MYO16: variants seen among roughly 807,000 people sequenced by gnomAD.
MYO16 encodes the protein myosin XVI, also known as unconventional myosin-XVI.
In MYO16, 94 loss-of-function variants were observed where a neutral mutation model predicts 205.3. The ratio of observed to expected loss-of-function variants is 0.46; its 90% CI spans 0.39 to 0.54. The LOEUF (loss-of-function observed/expected upper bound fraction) is 0.54, where lower values mean the gene tolerates loss of function less well. Ranked by LOEUF, MYO16 falls within the 20% of genes least tolerant of loss-of-function variation. MYO16 has a pLI of 0.00. For synonymous variants in MYO16, 988 were observed against 954.0 expected (o/e 1.04, Z -0.66); for missense variants, 2,315 against 2,387.5 (o/e 0.97, Z 0.63).
chr13:108,600,146 T>G (rs1391560007), intron 1 of MYO16, among the ~76,000 whole-genome samples: 1 of 152,182 alleles, frequency 6.6e-6, no homozygotes. Context: ...CTGATTCTGA[T>G]GCAAAACTTT....
intron 20 of MYO16, among the ~76,000 whole-genome samples, chr13:108,976,302 T>C (rs1000698734): frequency 6.6e-5 from 10 of 152,184 alleles, no homozygotes; most frequent in Non-Finnish European, 1.5e-4. Flanking sequence ...GTTTTATCAA[T>C]TGCTGTTAAA....
intron 12 of MYO16, among the ~76,000 whole-genome samples, chr13:108,872,229 G>T (rs530904807): frequency 6.6e-6 from 1 of 152,304 alleles, no homozygotes; most frequent in Non-Finnish European, 1.5e-5. Flanking sequence ...ACAAAAGTCA[G>T]CTTTGAATAA....
In MYO16 at chr13:108,863,508, A is replaced by G. The variant is rs187089782; in HGVS notation, c.1360-2669A>G. On this transcript the variant is annotated intron_variant, in intron 11 of 34. Transcript: ENST00000457511. ...TATTAGTTACAATTATTGATCTTCA[A>G]TTAGAAACCAACCTTGCATTTCTAG... Among the ~76,000 whole-genome samples the G allele has an allele frequency of 5.3e-5, 8 of 152,258 alleles. No homozygotes were observed. In the East Asian group the frequency reaches 9.6e-4, roughly 18 times the overall value.
At chr13:109,171,886 G>A (rs533976343) in intron 33 of MYO16, among the ~76,000 whole-genome samples, 1 of 152,244 alleles carries the variant, frequency 6.6e-6, no homozygotes, top group South Asian at 2.1e-4. Flanking sequence ...TTCTGTATAC[G>A]TTGTCTATTT....
In MYO16 at chr13:109,176,577, T is replaced by TAAAAAAAAAAA. The variant is rs36054088; in HGVS notation, c.5324-2951_5324-2941dup. On this transcript the variant is annotated intron_variant, in intron 33 of 34. Transcript: ENST00000457511. Reference sequence around the variant, plus strand: ...GCAGCTAAATAAAATATTGTGCTGGTAAAAAAAAAAAAAAAAAAAAAAAAG... The same window carrying TAAAAAAAAAAA: ...GCAGCTAAATAAAATATTGTGCTGGTAAAAAAAAAAAAAAAAAAAAAAAAAAAAAAAAAAAG... Among the ~76,000 whole-genome samples the TAAAAAAAAAAA allele has an allele frequency of 4.8e-3, 216 of 44,930 alleles. 35 individuals carry two copies. The highest frequency in any genetic ancestry group is 0.014 in the African/African-American group (155 of 10,982). The allele number at this position is 44,930 out of a possible 152,430, so 29.5% of individuals were successfully genotyped here.
At position 109,009,055 on chromosome 13, in the gene MYO16, C is replaced by T; in HGVS notation, c.2595+6C>T. ...TTTTGGACTTTTTTTTCCAGGTATTCATATAATATAATTAGATACTTAACA... is the reference window on the plus strand; with the variant it reads ...TTTTGGACTTTTTTTTCCAGGTATTTATATAATATAATTAGATACTTAACA... On this transcript the variant is annotated splice_donor_region_variant and intron_variant, in intron 22 of 34. Coordinates refer to ENST00000457511, the MANE Select transcript of MYO16 (RefSeq NM_001198950.3). 1 of 1,575,202 alleles carries T rather than the reference C, an allele frequency of 6.3e-7. No homozygotes were observed. The highest frequency in any genetic ancestry group is 8.6e-7 in the Non-Finnish European group (1 of 1,163,908).
At chr13:108,876,195 G>A (rs898361910) in intron 12 of MYO16, among the ~76,000 whole-genome samples, 1 of 151,944 alleles carries the variant, frequency 6.6e-6, no homozygotes, top group African/African-American at 2.4e-5. Context: ...TGCAACTTCT[G>A]GAATAATTAA....
At chr13:109,061,752 G>A (rs988943662) in intron 27 of MYO16, among the ~76,000 whole-genome samples, 7 of 152,194 alleles carry the variant, frequency 4.6e-5, no homozygotes, top group African/African-American at 1.4e-4. Context: ...AAGCAGAGAA[G>A]TGAAGTGTGA....
intron 15 of MYO16, among the ~76,000 whole-genome samples, chr13:108,907,931 G>GA (rs1192304829): frequency 6.6e-6 from 1 of 151,910 alleles, no homozygotes; most frequent in Non-Finnish European, 1.5e-5. Context: ...CTAAAGGCTA[G>GA]AAAAAATGGA....
At chr13:108,592,894 T>C (rs1042710962), upstream of MYO16, among the ~76,000 whole-genome samples, 2 of 152,186 alleles carry the variant, frequency 1.3e-5, no homozygotes, top group African/African-American at 2.4e-5. Context: ...AAATTTTTGA[T>C]GTAATTGTTT....
At chr13:109,037,766 G>A (rs1886761669) in intron 23 of MYO16, among the ~76,000 whole-genome samples, 2 of 152,232 alleles carry the variant, frequency 1.3e-5, no homozygotes, top group South Asian at 4.2e-4. Flanking sequence ...AGAAGCCTTG[G>A]AAACTCAGTA....
At chr13:108,911,334 A>C (rs902665244) in intron 16 of MYO16, among the ~76,000 whole-genome samples, 5 of 152,138 alleles carry the variant, frequency 3.3e-5, no homozygotes, top group Non-Finnish European at 7.4e-5. Flanking sequence ...ATGATGAAAA[A>C]TAAATGAGGG....
At position 109,046,920 on chromosome 13, in the gene MYO16, T is replaced by C. The variant is rs1199865689; in HGVS notation, c.2801T>C (p.Met934Thr). Reference sequence around the variant, plus strand: ...TGCTGCTTTCTTTTATTCTAGGTAATGTATGATGTTGTTGGGGCGATTGAA... The same window carrying C: ...TGCTGCTTTCTTTTATTCTAGGTAACGTATGATGTTGTTGGGGCGATTGAA... ...FTIMHYAGRV[M>T]YDVVGAIEKN... The change falls in exon 24 of 35, where the codon ATG (methionine) becomes ACG (threonine). Residue 934 changes from methionine to threonine, a missense_variant. Around this residue, in one of 3 missense-constraint regions of MYO16, gnomAD observed 1,213 missense variants for 1,274.4 expected, o/e 0.95. Transcript: ENST00000457511. 3 of 1,602,490 alleles carry C rather than the reference T, an allele frequency of 1.9e-6. No individual in the cohort carries two copies. The highest frequency in any genetic ancestry group is 2.6e-6 in the Non-Finnish European group (3 of 1,169,800).
At chr13:109,007,354 C>A (rs1427769944) in intron 21 of MYO16, among the ~76,000 whole-genome samples, 1 of 151,298 alleles carries the variant, frequency 6.6e-6, no homozygotes. Flanking sequence ...CGCCACTGCA[C>A]TCCAGCCTGG....
At position 109,125,062 on chromosome 13, in the gene MYO16, G is replaced by A. The variant is rs898104056; in HGVS notation, c.3536-50G>A. On this transcript the variant is annotated intron_variant, in intron 29 of 34. Coordinates refer to ENST00000457511, the MANE Select transcript of MYO16 (RefSeq NM_001198950.3). This position sits in a 1 kb window ranked among gnomAD's most constrained non-coding sequence, Gnocchi z 4.0. ...TTATGATTTTTGTTTGTGCATGTCTGAGTTTTTCACTTTTCCTCCATTTAC... is the reference window on the plus strand; with the variant it reads ...TTATGATTTTTGTTTGTGCATGTCTAAGTTTTTCACTTTTCCTCCATTTAC... 5.0e-6 allele frequency: 8 copies of A among 1,593,918 alleles called. No individual in the cohort carries two copies. Among genetic ancestry groups the A allele is most frequent in the Non-Finnish European group, 6.8e-6 (8 of 1,168,374 alleles).
chr13:109,202,647 T>C (rs1880443432), intron 34 of MYO16, among the ~76,000 whole-genome samples: 1 of 152,094 alleles, frequency 6.6e-6, no homozygotes, highest in South Asian at 2.1e-4. Context: ...AATCTACAAA[T>C]TCAATGTAAT....
chr13:109,130,947 T>C (rs1384439620), intron 31 of MYO16, among the ~76,000 whole-genome samples: 1 of 152,162 alleles, frequency 6.6e-6, no homozygotes, highest in Admixed American at 6.5e-5. Flanking sequence ...GGGTAGAATT[T>C]TTCCATCATC....
At chr13:108,726,201 G>T (rs2059051589) in intron 3 of MYO16, among the ~76,000 whole-genome samples, 1 of 152,028 alleles carries the variant, frequency 6.6e-6, no homozygotes, top group South Asian at 2.1e-4. Context: ...TTTAATAATA[G>T]GTTTTTAAAA....
intron 4 of MYO16, among the ~76,000 whole-genome samples, chr13:108,756,842 T>G (rs909147001): frequency 2.2e-4 from 33 of 152,180 alleles, no homozygotes; most frequent in Middle Eastern, 3.2e-3. Context: ...CCCAGTCAAG[T>G]TGACACGTAA....
Sources: gnomAD v4.1 joint callset for allele counts (sites outside exome capture counted in the v4.1 genomes callset) on GRCh38, gnomAD v4.1.1 for gene constraint, gnomAD v4.1.1 regional missense constraint, Gnocchi (gnomAD v3.1) non-coding constraint, MANE v1.5 for transcripts, NCBI Gene and HGNC (gene_info 2026-07-23, HGNC 2026-07-21) for gene names.